Variants in KCNQ1 observed in about 807,000 individuals in gnomAD.
KCNQ1 encodes potassium voltage-gated channel subfamily Q member 1.
A neutral mutation model predicts 72.4 loss-of-function variants in KCNQ1; 49 were observed. The observed-to-expected ratio is 0.68, with a 90% confidence interval of 0.54 to 0.86. The LOEUF (loss-of-function observed/expected upper bound fraction) is 0.86. Ranked by LOEUF, KCNQ1 falls within the 40% of genes least tolerant of loss-of-function variation. The probability of loss-of-function intolerance (pLI) is 0.00; values close to 1 mark genes in which losing one functional copy is unlikely to be tolerated. For synonymous variants in KCNQ1, 450 were observed against 412.6 expected (o/e 1.09, Z -1.10); for missense variants, 790 against 945.1 (o/e 0.84, Z 2.15).
rs1164727072 is a variant in KCNQ1 at position 2,566,721 on chromosome 11, G to A, written c.478-3907G>A. On this transcript the variant is annotated intron_variant, in intron 2 of 15. Coordinates refer to ENST00000155840, the MANE Select transcript of KCNQ1 (RefSeq NM_000218.3). The surrounding 1 kb of genome is among the most constrained non-coding windows in gnomAD (Gnocchi z 6.7). ...TATCTACGGGGCAGAGCTCAGGGCC[G>A]CACTCCATCAGCATCCCGGGCCATT... Among the ~76,000 whole-genome samples, 3 of 152,138 alleles carry A rather than the reference G, an allele frequency of 2.0e-5. No individual in the cohort carries two copies. Among genetic ancestry groups the A allele is most frequent in the East Asian group, 1.9e-4 (1 of 5,178 alleles).
At chr11:2,791,626 G>A (rs1934908140) in intron 15 of KCNQ1, among the ~76,000 whole-genome samples, 1 of 152,020 alleles carries the variant, frequency 6.6e-6, no homozygotes, top group Admixed American at 6.5e-5. Context: ...GGCGGCACAG[G>A]CCCAGCACGT....
In KCNQ1 at chr11:2,623,018, A is replaced by ATGTGTCAG. The variant is rs777193302; in HGVS notation, c.1393+34165_1393+34172dup. Reference sequence around the variant, plus strand: ...AATCTCATCTTGAACTGTAATCCCCATGTGTCAGGGGAGGGGCCTGGTGGG... The same window carrying ATGTGTCAG: ...AATCTCATCTTGAACTGTAATCCCCATGTGTCAGTGTGTCAGGGGAGGGGCCTGGTGGG... On this transcript the variant is annotated intron_variant, in intron 10 of 15. Coordinates refer to ENST00000155840, the MANE Select transcript of KCNQ1 (RefSeq NM_000218.3). This position sits in a 1 kb window ranked among gnomAD's most constrained non-coding sequence, Gnocchi z 5.2. 5.0e-6 allele frequency: 2 copies of ATGTGTCAG among 398,572 alleles called. No individual in the cohort carries two copies. Among genetic ancestry groups the ATGTGTCAG allele is most frequent in the Non-Finnish European group, 8.8e-6 (2 of 226,104 alleles). The allele number at this position is 398,572 out of a possible 1,614,324, so 24.7% of individuals were successfully genotyped here. A position where few individuals can be genotyped will look rare whatever the true frequency, so the allele number is the denominator to read the frequency against.
At position 2,657,289 on chromosome 11, in the gene KCNQ1, T is replaced by C. The variant is rs1849866893; in HGVS notation, c.1394-4672T>C. ...AGATTTTTATTAAGATTTGGAGAGA[T>C]TTATTCAGATTTTGAGATAATCTTT... On this transcript the variant is annotated intron_variant, in intron 10 of 15. Transcript: ENST00000155840. This position sits in a 1 kb window ranked among gnomAD's most constrained non-coding sequence, Gnocchi z 4.8. 2.5e-6 allele frequency: 1 copy of C among 398,500 alleles called. No homozygotes were observed. Among genetic ancestry groups the C allele is most frequent in the Non-Finnish European group, 4.4e-6 (1 of 226,062 alleles). 24.7% of individuals were successfully genotyped at this position (398,500 alleles called of 1,614,324 possible).
At chr11:2,738,533 C>G (rs1044368554) in intron 11 of KCNQ1, among the ~76,000 whole-genome samples, 3 of 152,336 alleles carry the variant, frequency 2.0e-5, no homozygotes, top group Admixed American at 1.3e-4. Context: ...AACCTCCCCC[C>G]ACTCCCAGCC....
intron 11 of KCNQ1, among the ~76,000 whole-genome samples, chr11:2,741,827 T>C (rs1008366837): frequency 6.6e-6 from 1 of 152,174 alleles, no homozygotes; most frequent in African/African-American, 2.4e-5. Flanking sequence ...TTTTCCTCCT[T>C]GACCTTCTTA....
rs981929968 is a variant in KCNQ1 at position 2,661,092 on chromosome 11, A to G, written c.1394-869A>G. The G allele has an allele frequency of 7.5e-6, 3 of 398,462 alleles. No homozygotes were observed. Among genetic ancestry groups the G allele is most frequent in the African/African-American group, 6.2e-5 (3 of 48,610 alleles). The allele number at this position is 398,462 out of a possible 1,614,324, so 24.7% of individuals were successfully genotyped here. A position where few individuals can be genotyped will look rare whatever the true frequency, so the allele number is the denominator to read the frequency against. Reference sequence around the variant, plus strand: ...CACAGTGACATCCCATGTGCATAAAAGCAACTCCCACCTGGCATCTGCTGC... The same window carrying G: ...CACAGTGACATCCCATGTGCATAAAGGCAACTCCCACCTGGCATCTGCTGC... On this transcript the variant is annotated intron_variant, in intron 10 of 15. Transcript: ENST00000155840. This position sits in a 1 kb window ranked among gnomAD's most constrained non-coding sequence, Gnocchi z 5.9.
rs1200697201 is a variant in KCNQ1, at chr11:2,815,158, T to G, written c.1795-32609T>G. Among the ~76,000 whole-genome samples the G allele has an allele frequency of 6.6e-6, 1 of 152,168 alleles. No homozygotes were observed. On this transcript the variant is annotated intron_variant, in intron 15 of 15. Coordinates refer to ENST00000155840, the MANE Select transcript of KCNQ1 (RefSeq NM_000218.3). The surrounding 1 kb of genome is among the most constrained non-coding windows in gnomAD (Gnocchi z 5.4). ...CCAATCCCTCCCCAAATTACCCCCA[T>G]GCTCAGGGTGTCACTGAGGGTCCCA...
intron 1 of KCNQ1, among the ~76,000 whole-genome samples, chr11:2,511,998 T>C (rs1847215238): frequency 6.6e-6 from 1 of 152,130 alleles, no homozygotes; most frequent in African/African-American, 2.4e-5. Context: ...TCGGGCCAGC[T>C]GGAGAAAGGA....
At chr11:2,708,544 G>T (rs1380091038) in intron 11 of KCNQ1, among the ~76,000 whole-genome samples, 2 of 152,196 alleles carry the variant, frequency 1.3e-5, no homozygotes, top group Non-Finnish European at 2.9e-5. Flanking sequence ...AACCCCAAGA[G>T]GGTCGGTGCG....
Position 2,664,603 on chromosome 11 carries a change from C to T in KCNQ1, c.1514+2522C>T. On this transcript the variant is annotated intron_variant, in intron 11 of 15. Transcript: ENST00000155840. This position sits in a 1 kb window ranked among gnomAD's most constrained non-coding sequence, Gnocchi z 5.1. ...TGGGGCTGCATTCCTCCACCTCCTG[C>T]ACAGCCCGCCCAGTGATGCCCATAA... The T allele has an allele frequency of 2.5e-6, 1 of 398,726 alleles. No individual in the cohort carries two copies. 24.7% of individuals were successfully genotyped at this position (398,726 alleles called of 1,614,324 possible).
In KCNQ1 at chr11:2,507,298, G is replaced by A. The variant is rs1304716336; in HGVS notation, c.387-20630G>A. Among the ~76,000 whole-genome samples, 1 of 152,170 alleles carries A rather than the reference G, an allele frequency of 6.6e-6. No homozygotes were observed. Among genetic ancestry groups the A allele is most frequent in the Non-Finnish European group, 1.5e-5 (1 of 68,040 alleles). On this transcript the variant is annotated intron_variant, in intron 1 of 15. Transcript: ENST00000155840. This position sits in a 1 kb window ranked among gnomAD's most constrained non-coding sequence, Gnocchi z 5.4. ...TTAGAAGTTCACCCCACTGGCTGGG[G>A]CCTTCACGAGGCCCCTCTGGCCTCT...
At chr11:2,511,935 C>T (rs961003384) in intron 1 of KCNQ1, among the ~76,000 whole-genome samples, 2 of 152,318 alleles carry the variant, frequency 1.3e-5, no homozygotes, top group Non-Finnish European at 2.9e-5. Flanking sequence ...CAGGTCAGAG[C>T]GGGCATGGAC....
intron 15 of KCNQ1, among the ~76,000 whole-genome samples, chr11:2,799,772 G>A (rs757560060): frequency 7.2e-5 from 11 of 152,138 alleles, no homozygotes; most frequent in Admixed American, 1.3e-4. Flanking sequence ...GGTTGGAATC[G>A]GGAACATTTA....
chr11:2,643,505 A>G (rs896690873), intron 10 of KCNQ1: 25 of 398,286 alleles, frequency 6.3e-5, no homozygotes, highest in Non-Finnish European at 1.0e-4. Flanking sequence ...TTTGCATGTA[A>G]TATCTTTTCC....
At position 2,752,167 on chromosome 11, in the gene KCNQ1, T is replaced by G. The variant is rs1846237102; in HGVS notation, c.1515-16677T>G. On this transcript the variant is annotated intron_variant, in intron 11 of 15. Transcript: ENST00000155840. The surrounding 1 kb of genome is among the most constrained non-coding windows in gnomAD (Gnocchi z 5.2). ...TGTTGACTTGAGTTGCATCGTGTTG[T>G]GTTGACTTGAGCTGAACTGTGCTGA... 6.6e-6 allele frequency among the ~76,000 whole-genome samples: 1 copy of G among 152,194 alleles called. No homozygotes were observed. Among genetic ancestry groups the G allele is most frequent in the Non-Finnish European group, 1.5e-5 (1 of 68,034 alleles).
Position 2,624,737 on chromosome 11 carries a change from C to T in KCNQ1, c.1393+35883C>T, listed in dbSNP as rs1849235477. 4 of 398,228 alleles carry T rather than the reference C, an allele frequency of 1.0e-5. No homozygotes were observed. The South Asian group carries it at 5.1e-4, about 51-fold the overall frequency. 24.7% of individuals were successfully genotyped at this position (398,228 alleles called of 1,614,324 possible). A position where few individuals can be genotyped will look rare whatever the true frequency, so the allele number is the denominator to read the frequency against. ...CTCTATATCCATTAAACAATAATTC[C>T]CCAACCCCCCCACCACCGCCATCTC... On this transcript the variant is annotated intron_variant, in intron 10 of 15. Coordinates refer to ENST00000155840, the MANE Select transcript of KCNQ1 (RefSeq NM_000218.3). The surrounding 1 kb of genome is among the most constrained non-coding windows in gnomAD (Gnocchi z 4.9).
chr11:2,813,498 C>G lies in KCNQ1; in HGVS notation c.1795-34269C>G, dbSNP rs189366931. 5.0e-3 allele frequency among the ~76,000 whole-genome samples: 765 copies of G among 152,224 alleles called. 5 individuals are homozygous for G. The highest frequency in any genetic ancestry group is 0.017 in the African/African-American group (719 of 41,530). On this transcript the variant is annotated intron_variant, in intron 15 of 15. Transcript: ENST00000155840. This position sits in a 1 kb window ranked among gnomAD's most constrained non-coding sequence, Gnocchi z 4.4. ...CCTTCCTCAACCCTGCGCCTGGTCA[C>G]CAAGTCCTGACAACACCTCCAGCCC...
intron 11 of KCNQ1, among the ~76,000 whole-genome samples, chr11:2,763,977 T>A (rs557798250): frequency 5.3e-5 from 8 of 152,362 alleles, no homozygotes; most frequent in Admixed American, 5.2e-4. Context: ...GGTTATGTCA[T>A]TTGCAAATAA....
chr11:2,804,880 C>G (rs557477646), intron 15 of KCNQ1, among the ~76,000 whole-genome samples: 56 of 152,332 alleles, frequency 3.7e-4, no homozygotes, highest in African/African-American at 1.3e-3. Flanking sequence ...CAGTTGCCAG[C>G]TGGGATTTGT....
Sources: allele counts gnomAD v4.1 joint callset (sites outside exome capture counted in the v4.1 genomes callset), GRCh38; gene constraint gnomAD v4.1.1; non-coding constraint Gnocchi (gnomAD v3.1); transcripts MANE v1.5; gene names NCBI Gene and HGNC (gene_info 2026-07-23, HGNC 2026-07-21).